The following ERBB4 variants were observed in gnomAD, a reference collection of about 807,000 sequenced individuals.
ERBB4 encodes receptor tyrosine-protein kinase erbB-4.
A neutral mutation model predicts 158.0 loss-of-function variants in ERBB4; 42 were observed. That is an observed-to-expected ratio of 0.27 (90% confidence interval 0.21 to 0.34). The LOEUF (loss-of-function observed/expected upper bound fraction) is 0.34. ERBB4 is among the 10% of genes least tolerant of loss of function. ERBB4 has a pLI of 1.00. For missense variants in ERBB4, 1,333 were observed against 1,624.1 expected, an observed-to-expected ratio of 0.82 and a Z score of 3.08; for synonymous variants, 583 against 558.7, an observed-to-expected ratio of 1.04 and a Z score of -0.61.
intron 1 of ERBB4, among the ~76,000 whole-genome samples, chr2:212,206,997 C>CAAAA (rs530343240): frequency 8.5e-5 from 10 of 117,600 alleles, no homozygotes; most frequent in Non-Finnish European, 7.3e-5. Context: ...TGAGAAGTTT[C>CAAAA]AAAAAAAAAA....
intron 1 of ERBB4, among the ~76,000 whole-genome samples, chr2:212,349,719 G>A (rs1047865266): frequency 6.6e-6 from 1 of 152,042 alleles, no homozygotes; most frequent in Non-Finnish European, 1.5e-5. Flanking sequence ...AGTAGAAAAG[G>A]GAGTAGAAGT....
intron 1 of ERBB4, among the ~76,000 whole-genome samples, chr2:212,263,355 T>C (rs1487425136): frequency 6.6e-6 from 1 of 152,168 alleles, no homozygotes; most frequent in Non-Finnish European, 1.5e-5. Context: ...TAATGCACTT[T>C]CTATATAGAA....
intron 5 of ERBB4, among the ~76,000 whole-genome samples, chr2:211,743,063 C>T (rs73985830): frequency 0.064 from 9,721 of 152,112 alleles, 341 homozygotes; most frequent in African/African-American, 0.095. Context: ...AGAAGTGTAT[C>T]TGTTCACTCC....
At chr2:212,271,643 T>C (rs2085347475) in intron 1 of ERBB4, among the ~76,000 whole-genome samples, 1 of 151,792 alleles carries the variant, frequency 6.6e-6, no homozygotes, top group Non-Finnish European at 1.5e-5. Flanking sequence ...TGTCAATGTA[T>C]CTTTCTTGTT....
At chr2:212,507,438 C>G (rs1691255724) in intron 1 of ERBB4, among the ~76,000 whole-genome samples, 1 of 152,012 alleles carries the variant, frequency 6.6e-6, no homozygotes, top group African/African-American at 2.4e-5. Context: ...AGACAGGATT[C>G]CTCTGATGGA....
intron 20 of ERBB4, among the ~76,000 whole-genome samples, chr2:211,480,294 G>A (rs963555239): frequency 1.3e-5 from 2 of 152,056 alleles, no homozygotes; most frequent in African/African-American, 4.8e-5. Flanking sequence ...TTGGCTCTCT[G>A]TCCACACCCA....
chr2:212,325,499 G>A (rs568075640), intron 1 of ERBB4, among the ~76,000 whole-genome samples: 1 of 150,732 alleles, frequency 6.6e-6, no homozygotes, highest in African/African-American at 2.4e-5. Context: ...TAACAGAAAT[G>A]CTTTAAATCT....
chr2:211,566,369 A>C (rs2067548472), intron 19 of ERBB4, among the ~76,000 whole-genome samples: 1 of 152,184 alleles, frequency 6.6e-6, no homozygotes, highest in South Asian at 2.1e-4. Flanking sequence ...GGTAAATAGG[A>C]GACACCCAAC....
At chr2:212,440,580 C>A (rs953679525) in intron 1 of ERBB4, among the ~76,000 whole-genome samples, 4 of 152,124 alleles carry the variant, frequency 2.6e-5, no homozygotes, top group Admixed American at 1.3e-4. Context: ...TCTGGAGGAA[C>A]AGAATATTAA....
Position 211,579,779 on chromosome 2 carries a change from C to T in ERBB4, c.2302-17691G>A, listed in dbSNP as rs992786162. ...CACATAGACACAGGGAGAGGAAAAA[C>T]ACACACTGGGGCCTGTCAGGGGGTG... On this transcript the variant is annotated intron_variant, in intron 19 of 27. Coordinates refer to ENST00000342788, the MANE Select transcript of ERBB4 (RefSeq NM_005235.3). Among the ~76,000 whole-genome samples the T allele has an allele frequency of 9.2e-5, 14 of 151,598 alleles. No individual in the cohort carries two copies. In the East Asian group the frequency reaches 1.8e-3, roughly 19 times the overall value.
intron 3 of ERBB4, among the ~76,000 whole-genome samples, chr2:211,896,479 C>T (rs973787916): frequency 1.3e-5 from 2 of 152,112 alleles, no homozygotes; most frequent in Non-Finnish European, 2.9e-5. Flanking sequence ...TGCTGTCATC[C>T]TGGTCCAAGA....
chr2:211,589,815 CATTTT>C (rs1286700853), intron 19 of ERBB4, among the ~76,000 whole-genome samples: 1 of 152,046 alleles, frequency 6.6e-6, no homozygotes, highest in East Asian at 1.9e-4. Flanking sequence ...TCAAAATGTT[CATTTT>C]ATGTTTAGCA....
At chr2:212,487,835 CCA>C (rs1339297790) in intron 1 of ERBB4, among the ~76,000 whole-genome samples, 1 of 152,096 alleles carries the variant, frequency 6.6e-6, no homozygotes, top group East Asian at 1.9e-4. Flanking sequence ...TACTGTTATT[CCA>C]GTTTTACTGA....
chr2:212,113,497 C>A (rs946039773), intron 2 of ERBB4, among the ~76,000 whole-genome samples: 1 of 143,316 alleles, frequency 7.0e-6, no homozygotes, highest in South Asian at 2.2e-4. Context: ...TGGTGTGAAC[C>A]CGGGAGGCGG....
chr2:212,095,582 T>G (rs2078903539), intron 2 of ERBB4, among the ~76,000 whole-genome samples: 1 of 152,196 alleles, frequency 6.6e-6, no homozygotes, highest in Non-Finnish European at 1.5e-5. Flanking sequence ...CTAATGAAGT[T>G]TAATTGGAAT....
At chr2:212,064,887 T>C (rs1278835491) in intron 2 of ERBB4, among the ~76,000 whole-genome samples, 1 of 152,052 alleles carries the variant, frequency 6.6e-6, no homozygotes, top group African/African-American at 2.4e-5. Context: ...GATTTTGTAA[T>C]TGTTGTTAAC....
intron 7 of ERBB4, 77 bp downstream of exon 7, chr2:211,722,316 A>G: frequency 8.4e-7 from 1 of 1,187,072 alleles, no homozygotes; most frequent in Non-Finnish European, 1.2e-6. Flanking sequence ...GTTTCACATT[A>G]AAATAAACTT....
intron 2 of ERBB4, among the ~76,000 whole-genome samples, chr2:212,090,673 C>T (rs1307637915): frequency 6.6e-6 from 1 of 152,156 alleles, no homozygotes; most frequent in African/African-American, 2.4e-5. Flanking sequence ...CACTGATGCA[C>T]AGGCCATACT....
intron 3 of ERBB4, among the ~76,000 whole-genome samples, chr2:211,871,717 A>T (rs939431435): frequency 6.6e-6 from 1 of 152,204 alleles, no homozygotes; most frequent in Non-Finnish European, 1.5e-5. Context: ...GCTGTTTTCC[A>T]TCATAAACCA....
Sources: gnomAD v4.1 joint callset for allele counts (sites outside exome capture counted in the v4.1 genomes callset) on GRCh38, gnomAD v4.1.1 for gene constraint, MANE v1.5 for transcripts, NCBI Gene and HGNC (gene_info 2026-07-23, HGNC 2026-07-21) for gene names.